Variants in CBL observed in about 807,000 individuals in gnomAD.
CBL encodes E3 ubiquitin-protein ligase CBL.
In CBL, 45 loss-of-function variants were observed where a neutral mutation model predicts 96.9. That is an observed-to-expected ratio of 0.46 (90% CI 0.37 to 0.60). CBL has a LOEUF of 0.60. Among genes scored for constraint, CBL ranks in the 20% least tolerant of loss-of-function variants. CBL has a pLI of 0.00. For synonymous variants in CBL, 420 were observed against 426.8 expected (o/e 0.98, Z 0.20); for missense variants, 1,024 against 1,143.5 (o/e 0.90, Z 1.51).
rs183864116 is a variant in CBL, at chr11:119,280,848, A to G, written c.1431+2135A>G. 1.1e-4 allele frequency among the ~76,000 whole-genome samples: 17 copies of G among 152,160 alleles called. No homozygotes were observed. In the East Asian group the frequency reaches 2.5e-3, roughly 22 times the overall value. Reference sequence around the variant, plus strand: ...CCTCCCTACTCCATATCCTCCCACTACAGTTATTTGAATTTGGCTTAGTAC... The same window carrying G: ...CCTCCCTACTCCATATCCTCCCACTGCAGTTATTTGAATTTGGCTTAGTAC... On this transcript the variant is annotated intron_variant, in intron 9 of 15. Transcript: ENST00000264033.
intron 5 of CBL, 142 bp downstream of exon 5, chr11:119,275,095 A>G: frequency 1.2e-6 from 1 of 836,024 alleles, no homozygotes; most frequent in Non-Finnish European, 2.0e-6. Context: ...TATCAGACGT[A>G]TTGACTTAAT....
At chr11:119,295,769 C>G (rs1315252857) in intron 12 of CBL, among the ~76,000 whole-genome samples, 1 of 152,050 alleles carries the variant, frequency 6.6e-6, no homozygotes, top group Non-Finnish European at 1.5e-5. Flanking sequence ...TGAAAAGTTA[C>G]AAAGATAGTA....
intron 2 of CBL, among the ~76,000 whole-genome samples, chr11:119,259,811 A>G (rs928999470): frequency 2.0e-5 from 3 of 152,222 alleles, no homozygotes; most frequent in Non-Finnish European, 2.9e-5. Context: ...CATTTGGGAC[A>G]TGGATTGTAT....
intron 2 of CBL, 64 bp from the exon 3 acceptor site, chr11:119,271,665 TGGTGAA>T: frequency 8.1e-7 from 1 of 1,228,838 alleles, no homozygotes; most frequent in Non-Finnish European, 1.2e-6. Context: ...ACATCTTGTA[TGGTGAA>T]TTTGGTGCAT....
chr11:119,294,591 GA>G (rs1314319742), intron 12 of CBL, among the ~76,000 whole-genome samples: 1 of 151,852 alleles, frequency 6.6e-6, no homozygotes, highest in Non-Finnish European at 1.5e-5. Context: ...TCAAGATCGA[GA>G]CCATCCTGGC....
chr11:119,212,574 C>T (rs141958628), intron 1 of CBL, among the ~76,000 whole-genome samples: 1,583 of 151,736 alleles, frequency 0.01, 10 homozygotes, highest in Non-Finnish European at 0.014. Context: ...TGCGGTGAGC[C>T]GAGATCGCAC....
intron 1 of CBL, among the ~76,000 whole-genome samples, chr11:119,211,081 C>T (rs1432667674): frequency 6.6e-6 from 1 of 152,060 alleles, no homozygotes; most frequent in Non-Finnish European, 1.5e-5. Context: ...TCCAAAATAT[C>T]TTATTGTAGG....
chr11:119,247,049 C>T (rs1048751451), intron 2 of CBL, among the ~76,000 whole-genome samples: 1 of 152,130 alleles, frequency 6.6e-6, no homozygotes, highest in African/African-American at 2.4e-5. Context: ...TGCTTAAAAG[C>T]TTGAGTTTCA....
chr11:119,277,241 G>GCGCACACACACACACA (rs1035208999), intron 6 of CBL, among the ~76,000 whole-genome samples: 10 of 146,498 alleles, frequency 6.8e-5, no homozygotes, highest in Non-Finnish European at 1.1e-4. Context: ...AATCTGTCGC[G>GCGCACACACACACACA]CACACACACA....
chr11:119,249,129 T>C (rs1285323523), intron 2 of CBL, among the ~76,000 whole-genome samples: 1 of 152,188 alleles, frequency 6.6e-6, no homozygotes, highest in Non-Finnish European at 1.5e-5. Flanking sequence ...CTTGAACAGA[T>C]ATTTGTACAC....
intron 1 of CBL, among the ~76,000 whole-genome samples, chr11:119,213,049 A>G (rs573192530): frequency 2.2e-4 from 33 of 151,940 alleles, no homozygotes; most frequent in African/African-American, 7.0e-4. Flanking sequence ...TCTTGAGCTC[A>G]AATAATTCTC....
intron 1 of CBL, among the ~76,000 whole-genome samples, chr11:119,216,677 C>T (rs1009752062): frequency 1.3e-5 from 2 of 152,068 alleles, no homozygotes; most frequent in African/African-American, 2.4e-5. Flanking sequence ...GCCTCTTGGA[C>T]TTATTTTAAA....
chr11:119,266,907 T>TC (rs1230544441), intron 2 of CBL, among the ~76,000 whole-genome samples: 2 of 152,230 alleles, frequency 1.3e-5, no homozygotes, highest in African/African-American at 4.8e-5. Context: ...ACAGTTGTGT[T>TC]CCTTTGTGGA....
chr11:119,289,825 C>T (rs1254841498), intron 12 of CBL: 3 of 152,182 alleles, frequency 2.0e-5, no homozygotes, highest in Admixed American at 6.5e-5. Flanking sequence ...TCACTGCAGC[C>T]TCAACATACT....
Position 119,257,918 on chromosome 11 carries a change from C to A in CBL, c.444-13817C>A, listed in dbSNP as rs115539488. 7.4e-3 allele frequency among the ~76,000 whole-genome samples: 1,133 copies of A among 152,124 alleles called. 12 individuals are homozygous for A. The highest frequency in any genetic ancestry group is 0.022 in the African/African-American group (917 of 41,510). Reference sequence around the variant, plus strand: ...TGTTCCATTGGTGTATTAGTCCATTCTTGTACTGCCATAAAAAAATACTTG... The same window carrying A: ...TGTTCCATTGGTGTATTAGTCCATTATTGTACTGCCATAAAAAAATACTTG... On this transcript the variant is annotated intron_variant, in intron 2 of 15. Transcript: ENST00000264033.
chr11:119,300,647 G>T lies in CBL; in HGVS notation c.*866G>T. 1 of 398,710 alleles carries T rather than the reference G, an allele frequency of 2.5e-6. No homozygotes were observed. Among genetic ancestry groups the T allele is most frequent in the South Asian group, 1.3e-4 (1 of 7,612 alleles). The allele number at this position is 398,710 out of a possible 1,614,324, so 24.7% of individuals were successfully genotyped here. On this transcript the variant is annotated 3_prime_UTR_variant, in exon 16 of 16. Transcript: ENST00000264033. ...AACATTGAAGCTATTAAGATGTTTT[G>T]ATTATCCTAATTACATAATGACCGA...
intron 1 of CBL, among the ~76,000 whole-genome samples, chr11:119,231,431 CCTGTAATCCCAGCAAAGTG>C (rs150321676): frequency 0.012 from 1,781 of 151,220 alleles, 32 homozygotes; most frequent in African/African-American, 0.04. Context: ...AAACAAAGGG[CCTGTAATCCCAGCAAAGTG>C]CTGTAATCCC....
chr11:119,221,280 C>T (rs1949408907), intron 1 of CBL, among the ~76,000 whole-genome samples: 3 of 151,184 alleles, frequency 2.0e-5, no homozygotes, highest in Middle Eastern at 3.2e-3. Context: ...CGGCTGGGCA[C>T]CGTGGCACAT....
At chr11:119,270,711 G>A (rs1381468023) in intron 2 of CBL, among the ~76,000 whole-genome samples, 1 of 151,900 alleles carries the variant, frequency 6.6e-6, no homozygotes, top group East Asian at 1.9e-4. Flanking sequence ...CTCCCAAAGT[G>A]CTGGGATTAC....
Sources: allele counts gnomAD v4.1 joint callset (sites outside exome capture counted in the v4.1 genomes callset), GRCh38; gene constraint gnomAD v4.1.1; transcripts MANE v1.5; gene names NCBI Gene and HGNC (gene_info 2026-07-23, HGNC 2026-07-21).